The following EPB41L3 variants were observed in gnomAD, a reference collection of about 807,000 sequenced individuals.
The protein encoded by EPB41L3 is band 4.1-like protein 3.
Under a neutral mutation model 127.1 loss-of-function variants are expected in EPB41L3, and 57 were observed. The ratio of observed to expected loss-of-function variants is 0.45; its 90% CI spans 0.36 to 0.56. The LOEUF (loss-of-function observed/expected upper bound fraction) is 0.56. Among genes scored for constraint, EPB41L3 ranks in the 20% least tolerant of loss-of-function variants. The pLI, the probability that EPB41L3 is intolerant of heterozygous loss-of-function variation, is 0.00. For synonymous variants in EPB41L3, 572 were observed against 549.5 expected, an observed-to-expected ratio of 1.04 and a Z score of -0.57; for missense variants, 1,273 against 1,372.2, an observed-to-expected ratio of 0.93 and a Z score of 1.14.
chr18:5,538,610 T>C (rs2093636631), intron 1 of EPB41L3, among the ~76,000 whole-genome samples: 1 of 152,216 alleles, frequency 6.6e-6, no homozygotes, highest in South Asian at 2.1e-4. Flanking sequence ...AGTTTTCCTC[T>C]CTTTAGTTGA....
At chr18:5,594,926 T>G (rs542689775) in intron 3 of EPB41L3, among the ~76,000 whole-genome samples, 1 of 152,298 alleles carries the variant, frequency 6.6e-6, no homozygotes, top group South Asian at 2.1e-4. Context: ...CCCGCAAGAA[T>G]TAATAAAAAT....
In EPB41L3 at chr18:5,416,382, A is replaced by T. The variant is rs2076827552; in HGVS notation, c.1507-4T>A. ...AGTCAGTGCCAAGCCCAGGTGACTGATGTGAAAGAGACAGAAAGAGACAGA... is the reference window on the plus strand; with the variant it reads ...AGTCAGTGCCAAGCCCAGGTGACTGTTGTGAAAGAGACAGAAAGAGACAGA... On this transcript the variant is annotated splice_region_variant and splice_polypyrimidine_tract_variant and intron_variant, in intron 12 of 22. Coordinates refer to ENST00000341928, the MANE Select transcript of EPB41L3 (RefSeq NM_012307.5). The T allele has an allele frequency of 6.2e-7, 1 of 1,607,424 alleles. No individual in the cohort carries two copies. Among genetic ancestry groups the T allele is most frequent in the Admixed American group, 1.7e-5 (1 of 59,730 alleles).
At chr18:5,417,460 C>T (rs2076967635) in intron 12 of EPB41L3, among the ~76,000 whole-genome samples, 1 of 152,142 alleles carries the variant, frequency 6.6e-6, no homozygotes, top group South Asian at 2.1e-4. Context: ...CAAGCAGGAC[C>T]TGGGCAGGTA....
rs574580081 is a variant in EPB41L3, at chr18:5,590,031, G to T, written c.-306+22309C>A. Among the ~76,000 whole-genome samples, 16 of 152,306 alleles carry T rather than the reference G, an allele frequency of 1.1e-4. 1 individual carries two copies. The East Asian group carries it at 1.7e-3, about 17-fold the overall frequency. On this transcript the variant is annotated intron_variant, in intron 3 of 21. Coordinates refer to the EPB41L3 transcript ENST00000545076. ...GGAGTGAAAATTAAAATTTGAATCGGAAATAAAAGGAGAAACATCCATTTA... is the reference window on the plus strand; with the variant it reads ...GGAGTGAAAATTAAAATTTGAATCGTAAATAAAAGGAGAAACATCCATTTA...
chr18:5,409,153 C>G (rs950896773), intron 14 of EPB41L3, among the ~76,000 whole-genome samples: 1 of 152,180 alleles, frequency 6.6e-6, no homozygotes, highest in Non-Finnish European at 1.5e-5. Context: ...AAACACAGTG[C>G]TAATGTGCTG....
chr18:5,408,552 G>A (rs1568022168), intron 14 of EPB41L3, among the ~76,000 whole-genome samples: 1 of 151,958 alleles, frequency 6.6e-6, no homozygotes, highest in African/African-American at 2.4e-5. Context: ...TGGGATTACA[G>A]GAGTGAGCCA....
intron 2 of EPB41L3, among the ~76,000 whole-genome samples, chr18:5,482,319 A>T (rs544506199): frequency 1.3e-5 from 2 of 152,218 alleles, no homozygotes; most frequent in African/African-American, 4.8e-5. Flanking sequence ...CAGAGAAAAA[A>T]GAAAAATGAA....
At chr18:5,557,630 CCCTGTCGG>C (rs139673692) in intron 3 of EPB41L3, among the ~76,000 whole-genome samples, 8,755 of 152,150 alleles carry the variant, frequency 0.058, 518 homozygotes, top group African/African-American at 0.15. Flanking sequence ...AATGATCCAC[CCCTGTCGG>C]CCTCCCAAAG....
At chr18:5,505,810 T>A (rs1222815726) in intron 1 of EPB41L3, among the ~76,000 whole-genome samples, 5 of 27,696 alleles carry the variant, frequency 1.8e-4, no homozygotes, top group Admixed American at 4.4e-4. Context: ...CTCCACCCCT[T>A]CCCTCTACAC....
chr18:5,542,714 T>C (rs1026881870), intron 1 of EPB41L3, among the ~76,000 whole-genome samples: 1 of 151,678 alleles, frequency 6.6e-6, no homozygotes. Flanking sequence ...GGGCTGCAAC[T>C]AACGGAAAAA....
At chr18:5,464,636 A>G (rs568510451) in intron 3 of EPB41L3, among the ~76,000 whole-genome samples, 1 of 152,298 alleles carries the variant, frequency 6.6e-6, no homozygotes, top group East Asian at 1.9e-4. Flanking sequence ...CCAGACTAAC[A>G]TAGAACTCCA....
At chr18:5,443,816 A>C (rs1215178857) in intron 5 of EPB41L3, 22 bp downstream of exon 5, 1 of 1,605,328 alleles carries the variant, frequency 6.2e-7, no homozygotes, top group Non-Finnish European at 8.5e-7. Flanking sequence ...ATTTCCACAA[A>C]AAATAATCCA....
At chr18:5,412,962 A>G (rs969039893) in intron 13 of EPB41L3, among the ~76,000 whole-genome samples, 1 of 152,048 alleles carries the variant, frequency 6.6e-6, no homozygotes, top group Non-Finnish European at 1.5e-5. Flanking sequence ...CACATATAAA[A>G]TTTCTTGAAT....
rs1394303979 is a variant in EPB41L3 at position 5,394,818 on chromosome 18, G to A, written c.3154-25C>T. The stretch of plus-strand genomic sequence containing the variant: ...CCTATCCCCGGGAAATCACAGAAGG[G>A]CAGAAACAAAAAGGAGGTGGAACAT... On this transcript the variant is annotated intron_variant, in intron 21 of 22. Coordinates refer to ENST00000341928, the MANE Select transcript of EPB41L3 (RefSeq NM_012307.5). 1.9e-6 allele frequency: 3 copies of A among 1,607,362 alleles called. No individual in the cohort carries two copies. The South Asian group carries it at 3.3e-5, about 18-fold the overall frequency.
chr18:5,424,558 T>C (rs549090003), intron 9 of EPB41L3, among the ~76,000 whole-genome samples, 199 bp from the exon 10 acceptor site: 2 of 152,332 alleles, frequency 1.3e-5, no homozygotes, highest in Admixed American at 6.5e-5. Flanking sequence ...CAGGTATAAA[T>C]AGCCACTTTA....
At chr18:5,395,520 G>T in intron 20 of EPB41L3, 89 bp downstream of exon 20, 2 of 1,256,590 alleles carry the variant, frequency 1.6e-6, no homozygotes, top group Non-Finnish European at 1.2e-6. Context: ...CCTTGTGCTT[G>T]TGCAGCCCAA....
At chr18:5,488,070 G>A (rs957741776) in intron 2 of EPB41L3, among the ~76,000 whole-genome samples, 2 of 152,036 alleles carry the variant, frequency 1.3e-5, no homozygotes, top group Non-Finnish European at 2.9e-5. Context: ...TTTAAATATG[G>A]ACTTATTCAA....
Position 5,397,160 on chromosome 18 carries a change from G to C in EPB41L3, c.2739C>G (p.Val913=). The C allele has an allele frequency of 6.2e-7, 1 of 1,614,168 alleles. No individual in the cohort carries two copies. Among genetic ancestry groups the C allele is most frequent in the Non-Finnish European group, 8.5e-7 (1 of 1,180,038 alleles). ...CAGCGGCTGTCTCTTCCTGTTCCAGGACAGCTTTAGCGACCTCCTCCCCTC... is the reference window on the plus strand; with the variant it reads ...CAGCGGCTGTCTCTTCCTGTTCCAGCACAGCTTTAGCGACCTCCTCCCCTC... ...EEGGEEVAKA[V]LEQEETAAAS... Residue 913 remains valine, a synonymous_variant, in exon 18 of 23, where the codon GTC becomes GTG. Transcript: ENST00000341928. The surrounding 1 kb of genome is among the most constrained non-coding windows in gnomAD (Gnocchi z 4.1).
At position 5,543,339 on chromosome 18, in the gene EPB41L3, C is replaced by G. The variant is rs1285948870; in HGVS notation, c.-12+574G>C. ...TTATCGGCCCCGCGCTGCGCCCGCCCGCGCCTGCACCCGGGACGAGCCCGC... is the reference window on the plus strand; with the variant it reads ...TTATCGGCCCCGCGCTGCGCCCGCCGGCGCCTGCACCCGGGACGAGCCCGC... On this transcript the variant is annotated intron_variant, in intron 1 of 22. Transcript: ENST00000341928. The surrounding 1 kb of genome is among the most constrained non-coding windows in gnomAD (Gnocchi z 5.2). 3 of 149,194 alleles carry G rather than the reference C, an allele frequency of 2.0e-5. No homozygotes were observed. Among genetic ancestry groups the G allele is most frequent in the South Asian group, 2.1e-4 (1 of 4,864 alleles). The allele number at this position is 149,194 out of a possible 1,614,324, so 9.2% of individuals were successfully genotyped here. A position where few individuals can be genotyped will look rare whatever the true frequency, so the allele number is the denominator to read the frequency against.
Sources: allele counts gnomAD v4.1 joint callset (sites outside exome capture counted in the v4.1 genomes callset), GRCh38; gene constraint gnomAD v4.1.1; non-coding constraint Gnocchi (gnomAD v3.1); transcripts MANE v1.5; gene names NCBI Gene and HGNC (gene_info 2026-07-23, HGNC 2026-07-21).